The following FAM53A variants were observed in gnomAD, a reference collection of about 807,000 sequenced individuals.
FAM53A encodes the protein protein FAM53A.
Under a neutral mutation model 26.6 loss-of-function variants are expected in FAM53A, and 28 were observed. The ratio of observed to expected loss-of-function variants is 1.05; its 90% CI spans 0.78 to 1.45. The LOEUF (loss-of-function observed/expected upper bound fraction) is 1.45. Among genes scored for constraint, FAM53A ranks in the 40% most tolerant of loss-of-function variants. FAM53A has a pLI of 0.00. For synonymous variants in FAM53A, 290 were observed against 253.1 expected (o/e 1.15, Z -1.38); for missense variants, 650 against 575.8 (o/e 1.13, Z -1.32).
the FAM53A span, among the ~76,000 whole-genome samples, chr4:1,580,809 C>G: frequency 1.1e-4 from 13 of 118,884 alleles, no homozygotes; most frequent in Non-Finnish European, 7.1e-5. Context: ...GCCTCCCACT[C>G]AAGGCCCCGC....
chr4:1,622,595 G>A (rs540494281), intron 1 of FAM53A, among the ~76,000 whole-genome samples: 2 of 152,334 alleles, frequency 1.3e-5, no homozygotes, highest in South Asian at 2.1e-4. Context: ...CAGGGGCAGA[G>A]GGGCAGGGTC....
chr4:1,627,686 C>T (rs1367007838), intron 1 of FAM53A, among the ~76,000 whole-genome samples: 1 of 152,200 alleles, frequency 6.6e-6, no homozygotes, highest in African/African-American at 2.4e-5. Context: ...CTGAGGCCTG[C>T]AGGGGAAGGG....
At chr4:1,652,144 ACACCACACG>A (rs1712874704) in intron 4 of FAM53A, among the ~76,000 whole-genome samples, 1 of 140,226 alleles carries the variant, frequency 7.1e-6, no homozygotes. Flanking sequence ...TACACCACAC[ACACCACACG>A]TCACACACAC....
the FAM53A span, among the ~76,000 whole-genome samples, chr4:1,608,657 G>A: frequency 6.6e-6 from 1 of 152,064 alleles, no homozygotes; most frequent in Non-Finnish European, 1.5e-5. Flanking sequence ...CACACACTCT[G>A]CTTAGTAACG....
At position 1,648,058 on chromosome 4, in the gene FAM53A, T is replaced by C. The variant is rs578040483; in HGVS notation, c.883-6451A>G. The stretch of plus-strand genomic sequence containing the variant: ...GCTCTGTCTCTTAAAAAATTGAGAA[T>C]ATTAGCTGGGCACAGGAGTGTGCAC... On this transcript the variant is annotated intron_variant, in intron 4 of 4. Transcript: ENST00000308132. 3.9e-5 allele frequency among the ~76,000 whole-genome samples: 6 copies of C among 152,106 alleles called. No individual in the cohort carries two copies. The South Asian group carries it at 1.2e-3, about 32-fold the overall frequency.
chr4:1,659,259 G>C lies in FAM53A; in HGVS notation c.76-1791C>G, dbSNP rs1449395670. 3.3e-5 allele frequency among the ~76,000 whole-genome samples: 5 copies of C among 152,194 alleles called. No homozygotes were observed. The highest frequency in any genetic ancestry group is 1.2e-4 in the African/African-American group (5 of 41,454). On this transcript the variant is annotated intron_variant, in intron 2 of 4. Coordinates refer to ENST00000308132, the MANE Select transcript of FAM53A (RefSeq NM_001174070.3). This position sits in a 1 kb window ranked among gnomAD's most constrained non-coding sequence, Gnocchi z 5.2. ...GACCCGGGTCCGATGGAAGAGAGGAGAGGCAGCTCTGCTAAAGGACTTGAA... is the reference window on the plus strand; with the variant it reads ...GACCCGGGTCCGATGGAAGAGAGGACAGGCAGCTCTGCTAAAGGACTTGAA...
intron 4 of FAM53A, among the ~76,000 whole-genome samples, chr4:1,648,628 ACT>A (rs2108851229): frequency 6.6e-6 from 1 of 152,214 alleles, no homozygotes; most frequent in East Asian, 1.9e-4. Context: ...CACTGAAGAC[ACT>A]CGTGAGCAAG....
the FAM53A span, among the ~76,000 whole-genome samples, chr4:1,578,390 C>A: frequency 6.6e-6 from 1 of 152,066 alleles, no homozygotes; most frequent in African/African-American, 2.4e-5. Flanking sequence ...AGGGGCCGAC[C>A]AGCCTTGGGG....
intron 1 of FAM53A, among the ~76,000 whole-genome samples, chr4:1,634,867 T>G (rs747427433): frequency 2.7e-5 from 4 of 150,622 alleles, no homozygotes; most frequent in Non-Finnish European, 5.9e-5. Context: ...ACCACTGCAC[T>G]CCAGCCTGGG....
At chr4:1,586,271 A>G in the FAM53A span, among the ~76,000 whole-genome samples, 2 of 151,416 alleles carry the variant, frequency 1.3e-5, no homozygotes, top group African/African-American at 2.4e-5. Flanking sequence ...TCGGCTCACC[A>G]CAATCTCTGC....
At chr4:1,644,094 T>C (rs1712009911) in intron 4 of FAM53A, 1 of 1,457,568 alleles carries the variant, frequency 6.9e-7, no homozygotes. Context: ...CCTTGCAGAC[T>C]CTGGCTGCCG....
chr4:1,660,054 G>A lies in FAM53A; in HGVS notation c.76-2586C>T, dbSNP rs555211208. On this transcript the variant is annotated intron_variant, in intron 2 of 4. Coordinates refer to ENST00000308132, the MANE Select transcript of FAM53A (RefSeq NM_001174070.3). ...GCACACACCTGAATCCCAGCACGGC[G>A]GGAGGATCGCTTGAGCTCAGGAGTT... Among the ~76,000 whole-genome samples the A allele has an allele frequency of 7.2e-5, 11 of 152,174 alleles. No individual in the cohort carries two copies. In the South Asian group the frequency reaches 2.1e-3, roughly 29 times the overall value.
chr4:1,666,794 CGCCAACATG>C (rs1332913853), intron 2 of FAM53A, among the ~76,000 whole-genome samples: 6 of 152,192 alleles, frequency 3.9e-5, no homozygotes, highest in Non-Finnish European at 5.9e-5. Flanking sequence ...TGACCAGCCT[CGCCAACATG>C]GCCAACATGG....
Position 1,654,993 on chromosome 4 carries a change from G to C in FAM53A, c.867C>G (p.Phe289Leu), listed in dbSNP as rs761120879. Residue 289 changes from phenylalanine (F) to leucine (L), a missense_variant, in exon 4 of 5, where the codon TTC (phenylalanine) becomes TTG (leucine). Phe to Leu is a conservative substitution (Grantham distance 22). Coordinates refer to ENST00000308132, the MANE Select transcript of FAM53A (RefSeq NM_001174070.3). ...DARWTRPSLD[F>L]LKMTQTLKNS... ...AAAGCCTCACCTGGGTCATTTTCAGGAAGTCCAAGGATGGGCGTGTCCACC... is the reference window on the plus strand; with the variant it reads ...AAAGCCTCACCTGGGTCATTTTCAGCAAGTCCAAGGATGGGCGTGTCCACC... 2 of 1,522,104 alleles carry C rather than the reference G, an allele frequency of 1.3e-6. No homozygotes were observed. Among genetic ancestry groups the C allele is most frequent in the Non-Finnish European group, 1.8e-6 (2 of 1,133,662 alleles). The allele number at this position is 1,522,104 out of a possible 1,614,324, so 94.3% of individuals were successfully genotyped here. A position where few individuals can be genotyped will look rare whatever the true frequency, so the allele number is the denominator to read the frequency against.
chr4:1,644,443 G>A (rs775893886), intron 4 of FAM53A: 92 of 1,402,138 alleles, frequency 6.6e-5, no homozygotes, highest in East Asian at 3.0e-4. Context: ...ACAGCTCAGC[G>A]CCCAACAGCG....
At chr4:1,649,964 GAC>G (rs1395320099) in intron 4 of FAM53A, among the ~76,000 whole-genome samples, 19 of 102,608 alleles carry the variant, frequency 1.9e-4, no homozygotes, top group East Asian at 2.9e-4. Flanking sequence ...CGTGGCGTTT[GAC>G]TGTGAGGTGG....
At chr4:1,631,571 G>C (rs755107045) in intron 1 of FAM53A, among the ~76,000 whole-genome samples, 1 of 152,174 alleles carries the variant, frequency 6.6e-6, no homozygotes, top group East Asian at 1.9e-4. Context: ...CCCAACCACA[G>C]AGGGAAGGTG....
intron 1 of FAM53A, among the ~76,000 whole-genome samples, chr4:1,620,908 C>T (rs983143676): frequency 6.6e-6 from 1 of 152,066 alleles, no homozygotes; most frequent in African/African-American, 2.4e-5. Context: ...ATCGGGTCCC[C>T]AGGGTCACCA....
downstream of FAM53A, among the ~76,000 whole-genome samples, chr4:1,616,291 C>T (rs575395592): frequency 6.6e-6 from 1 of 152,342 alleles, no homozygotes; most frequent in Admixed American, 6.5e-5. Context: ...CCAGGAGCGG[C>T]TCACTCAGCC....
Sources: allele counts gnomAD v4.1 joint callset (sites outside exome capture counted in the v4.1 genomes callset), GRCh38; gene constraint gnomAD v4.1.1; non-coding constraint Gnocchi (gnomAD v3.1); transcripts MANE v1.5; gene names NCBI Gene and HGNC (gene_info 2026-07-23, HGNC 2026-07-21).